EHD1: variants seen among roughly 807,000 people sequenced by gnomAD.
The protein encoded by EHD1 is EH domain-containing protein 1.
Under a neutral mutation model 39.0 loss-of-function variants are expected in EHD1, and 19 were observed. That is an observed-to-expected ratio of 0.49 (90% confidence interval 0.34 to 0.72). EHD1 has a LOEUF of 0.72. Ranked by LOEUF, EHD1 falls within the 30% of genes least tolerant of loss-of-function variation. The pLI, the probability that EHD1 is intolerant of heterozygous loss-of-function variation, is 0.01. For synonymous variants in EHD1, 323 were observed against 331.2 expected (o/e 0.98, Z 0.27); for missense variants, 542 against 751.5 (o/e 0.72, Z 3.26).
At chr11:64,869,805 C>T (rs1468553710) in intron 2 of EHD1, among the ~76,000 whole-genome samples, 1 of 152,230 alleles carries the variant, frequency 6.6e-6, no homozygotes, top group Admixed American at 6.5e-5. Context: ...TCGGAGCACC[C>T]TGGTGAAACC....
chr11:64,875,282 G>A (rs1258450498), intron 1 of EHD1, among the ~76,000 whole-genome samples: 1 of 152,226 alleles, frequency 6.6e-6, no homozygotes, highest in East Asian at 1.9e-4. Flanking sequence ...CAGGCGTGGT[G>A]GCTCACGCCT....
intron 3 of EHD1, chr11:64,856,064 G>A (rs140140636): frequency 9.5e-5 from 15 of 157,200 alleles, no homozygotes; most frequent in South Asian, 1.6e-4. Context: ...ACAGCCCTGC[G>A]GGGTGGGATT....
At chr11:64,877,856 G>A (rs1943901818) in intron 1 of EHD1, 3 of 446,228 alleles carry the variant, frequency 6.7e-6, no homozygotes, top group Admixed American at 4.1e-5. Context: ...CAGAAGCTGG[G>A]GGAGCCGACA....
chr11:64,874,004 C>A lies in EHD1; in HGVS notation c.502+417G>T, dbSNP rs1267018555. 2.7e-5 allele frequency among the ~76,000 whole-genome samples: 4 copies of A among 150,034 alleles called. No individual in the cohort carries two copies. In the East Asian group the frequency reaches 6.1e-4, roughly 23 times the overall value. ...ATTTTTTTTTTTAGAAAGGCTGAGA[C>A]TGGAAGAAATCTCGAGGGCAGCCAG... On this transcript the variant is annotated intron_variant, in intron 2 of 4. Transcript: ENST00000320631.
chr11:64,866,889 A>G (rs538318708), intron 2 of EHD1, among the ~76,000 whole-genome samples: 100 of 152,234 alleles, frequency 6.6e-4, no homozygotes, highest in Non-Finnish European at 6.9e-4. Context: ...AGGAGATACC[A>G]GGAGTAATCA....
rs1943915563 is a variant in EHD1 at position 64,878,552 on chromosome 11, G to A, written c.-88C>T. On this transcript the variant is annotated 5_prime_UTR_variant, in exon 1 of 5. Transcript: ENST00000320631. The stretch of plus-strand genomic sequence containing the variant: ...CGGAGCCGAGGCGGGGCCGGCCGGG[G>A]CAGGGAATCGGGAGCGACCCACACT... The A allele has an allele frequency of 2.7e-6, 4 of 1,470,524 alleles. No individual in the cohort carries two copies. The highest frequency in any genetic ancestry group is 2.4e-5 in the Admixed American group (1 of 41,694). 91.1% of individuals were successfully genotyped at this position (1,470,524 alleles called of 1,614,324 possible). A position where few individuals can be genotyped will look rare whatever the true frequency, so the allele number is the denominator to read the frequency against.
upstream of EHD1, chr11:64,879,185 G>A: frequency 1.9e-6 from 2 of 1,054,388 alleles, no homozygotes; most frequent in Non-Finnish European, 2.3e-6. Flanking sequence ...AGACAGGAAA[G>A]TGGTAGCAGA....
chr11:64,860,090 A>G lies in EHD1; in HGVS notation c.749T>C (p.Val250Ala). Reference protein sequence around the residue: ...LGKIINTPEVVRVYIGSFWSH... With the variant: ...LGKIINTPEVARVYIGSFWSH... Reference sequence around the variant, plus strand: ...CCAGAAGGAGCCGATGTAGACCCTGACCACCTCGGGGGTGTTGATGATCTT... The same window carrying G: ...CCAGAAGGAGCCGATGTAGACCCTGGCCACCTCGGGGGTGTTGATGATCTT... Residue 250 changes from valine to alanine, a missense_variant, in exon 3 of 5, where the codon GTC becomes GCC. Physicochemically the swap from Val to Ala is moderately conservative, Grantham distance 64 (BLOSUM62 0). Coordinates refer to ENST00000320631, the MANE Select transcript of EHD1 (RefSeq NM_006795.4). 1 of 1,614,118 alleles carries G rather than the reference A, an allele frequency of 6.2e-7. No individual in the cohort carries two copies. Among genetic ancestry groups the G allele is most frequent in the Middle Eastern group, 1.6e-4 (1 of 6,062 alleles).
At chr11:64,866,807 C>A (rs1943771820) in intron 2 of EHD1, among the ~76,000 whole-genome samples, 1 of 152,146 alleles carries the variant, frequency 6.6e-6, no homozygotes, top group Admixed American at 6.5e-5. Context: ...TACATGTACT[C>A]CTGAACCTAA....
chr11:64,855,525 C>T (rs1943641737), intron 3 of EHD1, 39 bp from the exon 4 acceptor site: 1 of 1,610,368 alleles, frequency 6.2e-7, no homozygotes, highest in African/African-American at 1.3e-5. Context: ...TCTCTTGGCC[C>T]AGGCTGCCCC....
Position 64,868,503 on chromosome 11 carries a change from C to T in EHD1, c.502+5918G>A, listed in dbSNP as rs758122596. Reference sequence around the variant, plus strand: ...GACAAGGACCCCCAACAAAGAGGAGCGGGCCACAGGGGCTCTCAAACACAC... The same window carrying T: ...GACAAGGACCCCCAACAAAGAGGAGTGGGCCACAGGGGCTCTCAAACACAC... On this transcript the variant is annotated intron_variant, in intron 2 of 4. Transcript: ENST00000320631. This position sits in a 1 kb window ranked among gnomAD's most constrained non-coding sequence, Gnocchi z 4.2. 6.6e-5 allele frequency among the ~76,000 whole-genome samples: 10 copies of T among 152,216 alleles called. No homozygotes were observed. The highest frequency in any genetic ancestry group is 1.4e-4 in the African/African-American group (6 of 41,454).
At chr11:64,859,635 T>A (rs923095777) in intron 3 of EHD1, 1 of 391,472 alleles carries the variant, frequency 2.6e-6, no homozygotes, top group Non-Finnish European at 4.6e-6. Flanking sequence ...ACTTCCTGTG[T>A]GCTGTTTCTG....
chr11:64,878,920 C>T, upstream of EHD1: 2 of 1,023,502 alleles, frequency 2.0e-6, no homozygotes, highest in South Asian at 3.9e-5. Context: ...GAGACGGCCT[C>T]TGGGCCGCGC....
chr11:64,854,311 G>C lies in EHD1; in HGVS notation c.*22C>G, dbSNP rs375831742. 6.3e-7 allele frequency: 1 copy of C among 1,577,746 alleles called. No individual in the cohort carries two copies. Among genetic ancestry groups the C allele is most frequent in the Non-Finnish European group, 8.6e-7 (1 of 1,162,356 alleles). Reference sequence around the variant, plus strand: ...TGCCTCCCGGCCGGGCGTGCAAATGGCAGGTGCGGGGCCGGGCGCCATCAC... The same window carrying C: ...TGCCTCCCGGCCGGGCGTGCAAATGCCAGGTGCGGGGCCGGGCGCCATCAC... On this transcript the variant is annotated 3_prime_UTR_variant, in exon 5 of 5. Transcript: ENST00000320631.
intron 1 of EHD1, 181 bp downstream of exon 1, chr11:64,877,880 G>C: frequency 1.9e-6 from 1 of 534,596 alleles, no homozygotes; most frequent in Non-Finnish European, 3.0e-6. Context: ...CCCACTCTTA[G>C]ACCCCCAGTG....
intron 1 of EHD1, 76 bp downstream of exon 1, chr11:64,877,985 C>T: frequency 7.1e-7 from 1 of 1,403,436 alleles, no homozygotes; most frequent in Non-Finnish European, 9.3e-7. Flanking sequence ...GGGGCGACAG[C>T]CACGGGAGGG....
chr11:64,867,676 C>T (rs1403477781), intron 2 of EHD1, among the ~76,000 whole-genome samples: 2 of 152,142 alleles, frequency 1.3e-5, no homozygotes, highest in East Asian at 1.9e-4. Flanking sequence ...CGAGATTGAT[C>T]GTGCCACTGT....
chr11:64,872,440 G>C (rs180758940), intron 2 of EHD1, among the ~76,000 whole-genome samples: 1 of 152,156 alleles, frequency 6.6e-6, no homozygotes, highest in Middle Eastern at 3.2e-3. Context: ...CAGCCTGGGC[G>C]ATAGAGCGAC....
At position 64,854,076 on chromosome 11, in the gene EHD1, G is replaced by A. The variant is rs1439846208; in HGVS notation, c.*257C>T. On this transcript the variant is annotated 3_prime_UTR_variant, in exon 5 of 5. Transcript: ENST00000320631. ...CACAGGGCTGGCACACAGGGGAGGC[G>A]GCGACAAAGAACGCAGCCTCTAACG... 2.8e-5 allele frequency: 17 copies of A among 615,914 alleles called. No individual in the cohort carries two copies. The highest frequency in any genetic ancestry group is 1.1e-4 in the African/African-American group (6 of 53,900). 38.2% of individuals were successfully genotyped at this position (615,914 alleles called of 1,614,324 possible). A position where few individuals can be genotyped will look rare whatever the true frequency, so the allele number is the denominator to read the frequency against.
Sources: gnomAD v4.1 joint callset for allele counts (sites outside exome capture counted in the v4.1 genomes callset) on GRCh38, gnomAD v4.1.1 for gene constraint, Gnocchi (gnomAD v3.1) non-coding constraint, MANE v1.5 for transcripts, NCBI Gene and HGNC (gene_info 2026-07-23, HGNC 2026-07-21) for gene names.